The following SERGEF variants were observed in gnomAD, a reference collection of about 807,000 sequenced individuals.
The protein encoded by SERGEF is secretion-regulating guanine nucleotide exchange factor.
Under a neutral mutation model 50.0 loss-of-function variants are expected in SERGEF, and 51 were observed. The ratio of observed to expected loss-of-function variants is 1.02; its 90% confidence interval spans 0.81 to 1.29. The LOEUF is 1.29. SERGEF is among the 50% of genes most tolerant of loss of function. The pLI is 0.00. For synonymous variants in SERGEF, 205 were observed against 212.4 expected (o/e 0.97, Z 0.30); for missense variants, 521 against 557.0 (o/e 0.94, Z 0.65).
chr11:17,937,202 T>G (rs554954357), intron 9 of SERGEF, among the ~76,000 whole-genome samples: 13 of 152,296 alleles, frequency 8.5e-5, no homozygotes, highest in African/African-American at 3.1e-4. Context: ...ATGTCTCATA[T>G]TTTTAAAAAA....
At chr11:17,947,750 A>C (rs1852691569) in intron 9 of SERGEF, among the ~76,000 whole-genome samples, 1 of 152,188 alleles carries the variant, frequency 6.6e-6, no homozygotes, top group Non-Finnish European at 1.5e-5. Context: ...GTCCTTAAAT[A>C]AGTTACCTCC....
intron 10 of SERGEF, chr11:17,856,684 AC>A (rs1188698350): frequency 6.6e-6 from 1 of 152,216 alleles, no homozygotes; most frequent in African/African-American, 2.4e-5. Flanking sequence ...AATAGTACCT[AC>A]CTTACTGTTG....
intron 9 of SERGEF, among the ~76,000 whole-genome samples, chr11:17,910,596 C>T (rs188603800): frequency 5.9e-5 from 9 of 152,178 alleles, no homozygotes; most frequent in East Asian, 5.8e-4. Flanking sequence ...GGGAATTTGT[C>T]GTCTGAAGTC....
At chr11:17,968,654 T>G (rs1347709952) in intron 8 of SERGEF, among the ~76,000 whole-genome samples, 2 of 150,974 alleles carry the variant, frequency 1.3e-5, no homozygotes, top group African/African-American at 4.9e-5. Flanking sequence ...CAGGGAGCTA[T>G]GACCATGCTA....
At chr11:17,810,131 T>G (rs1216403906) in intron 10 of SERGEF, among the ~76,000 whole-genome samples, 1 of 152,198 alleles carries the variant, frequency 6.6e-6, no homozygotes, top group Non-Finnish European at 1.5e-5. Flanking sequence ...AATGCCCTGG[T>G]TCTAACCTGC....
chr11:17,860,027 G>A (rs181716140), intron 10 of SERGEF, among the ~76,000 whole-genome samples: 2 of 152,264 alleles, frequency 1.3e-5, no homozygotes, highest in East Asian at 1.9e-4. Flanking sequence ...AAGTCATCAC[G>A]TAACCACGGT....
chr11:17,932,976 A>G (rs1852383585), intron 9 of SERGEF, among the ~76,000 whole-genome samples: 1 of 152,202 alleles, frequency 6.6e-6, no homozygotes, highest in Non-Finnish European at 1.5e-5. Flanking sequence ...AACTCCAACT[A>G]AGTTTTAAAA....
At chr11:17,805,752 C>T (rs1169726269) in intron 10 of SERGEF, among the ~76,000 whole-genome samples, 2 of 152,222 alleles carry the variant, frequency 1.3e-5, no homozygotes, top group Non-Finnish European at 2.9e-5. Context: ...TCCCCTCTTC[C>T]TGCTCTCCTG....
chr11:17,836,478 T>C lies in SERGEF; in HGVS notation c.1048+41730A>G, dbSNP rs557751837. Among the ~76,000 whole-genome samples the C allele has an allele frequency of 1.1e-4, 17 of 152,348 alleles. No individual in the cohort carries two copies. In the East Asian group the frequency reaches 1.5e-3, roughly 14 times the overall value. On this transcript the variant is annotated intron_variant, in intron 10 of 10. Transcript: ENST00000265965. Reference sequence around the variant, plus strand: ...GGGGATTTGATTGGTTAGTATTCAATAGAACAGCTATTTTCTTTCCATCAA... The same window carrying C: ...GGGGATTTGATTGGTTAGTATTCAACAGAACAGCTATTTTCTTTCCATCAA...
At chr11:17,875,974 A>G (rs1051878695) in intron 10 of SERGEF, among the ~76,000 whole-genome samples, 5 of 152,236 alleles carry the variant, frequency 3.3e-5, no homozygotes, top group African/African-American at 7.2e-5. Context: ...GCTCAACCCC[A>G]TGAGAAACAT....
At chr11:17,995,281 C>T (rs1266013914) in intron 6 of SERGEF, among the ~76,000 whole-genome samples, 2 of 152,216 alleles carry the variant, frequency 1.3e-5, no homozygotes, top group Non-Finnish European at 2.9e-5. Context: ...TCACTCACTC[C>T]TGCTTCCTTT....
At chr11:17,864,752 C>T (rs1421446709) in intron 10 of SERGEF, among the ~76,000 whole-genome samples, 1 of 152,186 alleles carries the variant, frequency 6.6e-6, no homozygotes, top group African/African-American at 2.4e-5. Flanking sequence ...ACAGCTCAGG[C>T]AACCACTTGA....
At chr11:18,012,782 C>CCCCCCACCAACA in intron 1 of SERGEF, 169 bp downstream of exon 1, 1 of 1,055,270 alleles carries the variant, frequency 9.5e-7, no homozygotes, top group Non-Finnish European at 1.4e-6. Context: ...CTTCCCCGCC[C>CCCCCCACCAACA]GCCCGCTCCT....
rs1361213480 is a variant in SERGEF, at chr11:17,999,611, G to C, written c.508+886C>G. 6.6e-6 allele frequency: 3 copies of C among 455,328 alleles called. No homozygotes were observed. In the Admixed American group the frequency reaches 7.1e-5, roughly 11 times the overall value. The allele number at this position is 455,328 out of a possible 1,614,324, so 28.2% of individuals were successfully genotyped here. A position where few individuals can be genotyped will look rare whatever the true frequency, so the allele number is the denominator to read the frequency against. Reference sequence around the variant, plus strand: ...GGAGTAAGAGCAGAAAAAATGAAAAGGGGAGAGATAAAAGGGTCACCATTC... The same window carrying C: ...GGAGTAAGAGCAGAAAAAATGAAAACGGGAGAGATAAAAGGGTCACCATTC... On this transcript the variant is annotated intron_variant, in intron 5 of 10. Coordinates refer to ENST00000265965, the MANE Select transcript of SERGEF (RefSeq NM_012139.4).
At chr11:17,926,181 T>C (rs892024211) in intron 9 of SERGEF, among the ~76,000 whole-genome samples, 2 of 151,992 alleles carry the variant, frequency 1.3e-5, no homozygotes, top group African/African-American at 4.8e-5. Flanking sequence ...AGTTTTTTTT[T>C]CCCAATTGGG....
At chr11:17,909,768 T>G (rs2133928393) in intron 9 of SERGEF, among the ~76,000 whole-genome samples, 1 of 152,214 alleles carries the variant, frequency 6.6e-6, no homozygotes, top group African/African-American at 2.4e-5. Context: ...AGAAACCAGG[T>G]CCTCCAATCT....
At chr11:17,863,995 A>G (rs1330439225) in intron 10 of SERGEF, among the ~76,000 whole-genome samples, 1 of 152,250 alleles carries the variant, frequency 6.6e-6, no homozygotes, top group Non-Finnish European at 1.5e-5. Context: ...TGGGGATTCT[A>G]GAGGCCCAGA....
At chr11:17,849,154 G>A (rs1351276299) in intron 10 of SERGEF, among the ~76,000 whole-genome samples, 2 of 152,112 alleles carry the variant, frequency 1.3e-5, no homozygotes, top group Admixed American at 6.5e-5. Flanking sequence ...CTCTATATAC[G>A]AGTCTATTTT....
chr11:17,811,233 C>T (rs1046176507), intron 10 of SERGEF, among the ~76,000 whole-genome samples: 1 of 152,238 alleles, frequency 6.6e-6, no homozygotes, highest in Non-Finnish European at 1.5e-5. Flanking sequence ...ATTAGGGTTA[C>T]AGCCAGGACA....
Sources: gnomAD v4.1 joint callset for allele counts (sites outside exome capture counted in the v4.1 genomes callset) on GRCh38, gnomAD v4.1.1 for gene constraint, MANE v1.5 for transcripts, NCBI Gene and HGNC (gene_info 2026-07-23, HGNC 2026-07-21) for gene names.